Variants in FBXL2 observed in about 807,000 individuals in gnomAD.
FBXL2 encodes the protein F-box/LRR-repeat protein 2.
Under a neutral mutation model 69.2 loss-of-function variants are expected in FBXL2, and 38 were observed. That is an observed-to-expected ratio of 0.55 (90% CI 0.42 to 0.72). The LOEUF (loss-of-function observed/expected upper bound fraction) is 0.72, where lower values mean the gene tolerates loss of function less well. Ranked by LOEUF, FBXL2 falls within the 30% of genes least tolerant of loss-of-function variation. The pLI is 0.00. For synonymous variants in FBXL2, 192 were observed against 201.3 expected (o/e 0.95, Z 0.39); for missense variants, 354 against 520.3 (o/e 0.68, Z 3.11).
At chr3:33,395,758 A>AAAG (rs1396169602) in intron 12 of FBXL2, among the ~76,000 whole-genome samples, 9 of 116,592 alleles carry the variant, frequency 7.7e-5, no homozygotes, top group African/African-American at 2.6e-4. Flanking sequence ...TTGAAAAAAA[A>AAAG]AAAAAAAAAA....
chr3:33,350,241 C>A (rs1215421817), intron 2 of FBXL2, among the ~76,000 whole-genome samples: 1 of 151,848 alleles, frequency 6.6e-6, no homozygotes. Flanking sequence ...TTTTAACATT[C>A]AAAAGTCAGT....
chr3:33,412,391 G>T, the FBXL2 span, among the ~76,000 whole-genome samples: 2 of 151,728 alleles, frequency 1.3e-5, no homozygotes. Context: ...ATGTATGTGT[G>T]TGCGTATGTA....
downstream of FBXL2, among the ~76,000 whole-genome samples, chr3:33,407,774 C>A (rs2154057005): frequency 6.6e-6 from 1 of 152,290 alleles, no homozygotes; most frequent in East Asian, 1.9e-4. Flanking sequence ...TCCTCTGGTA[C>A]TTTAATAGTG....
chr3:33,392,373 G>C (rs2043803690), downstream of FBXL2: 1 of 521,940 alleles, frequency 1.9e-6, no homozygotes, highest in Admixed American at 4.0e-5. Context: ...CAGTCATCTA[G>C]AAAGACTGAC....
intron 12 of FBXL2, chr3:33,402,781 C>T (rs765082720): frequency 2.5e-5 from 37 of 1,503,752 alleles, no homozygotes; most frequent in Admixed American, 1.7e-4. Flanking sequence ...TGCAGGCACA[C>T]GATCACACAA....
At chr3:33,384,262 C>A in intron 14 of FBXL2, 61 bp downstream of exon 14, 1 of 1,535,432 alleles carries the variant, frequency 6.5e-7, no homozygotes, top group Non-Finnish European at 8.9e-7. Context: ...AGGAAAACAT[C>A]AAGAATCAGA....
intron 2 of FBXL2, among the ~76,000 whole-genome samples, chr3:33,333,046 A>G (rs1357663395): frequency 6.6e-6 from 1 of 152,222 alleles, no homozygotes; most frequent in African/African-American, 2.4e-5. Context: ...AGAGTAGATA[A>G]ATCCATGGAG....
At chr3:33,342,140 G>T (rs540011974) in intron 2 of FBXL2, among the ~76,000 whole-genome samples, 1 of 150,940 alleles carries the variant, frequency 6.6e-6, no homozygotes, top group Non-Finnish European at 1.5e-5. Flanking sequence ...GAGTAGCTGG[G>T]ACTACAGGTG....
intron 2 of FBXL2, among the ~76,000 whole-genome samples, chr3:33,347,613 G>A (rs535817648): frequency 6.1e-4 from 93 of 152,288 alleles, no homozygotes; most frequent in African/African-American, 1.2e-3. Flanking sequence ...CTTCATAACA[G>A]TTGTATTAAT....
chr3:33,365,482 G>A (rs948007017), intron 5 of FBXL2, among the ~76,000 whole-genome samples: 2 of 152,096 alleles, frequency 1.3e-5, no homozygotes, highest in African/African-American at 4.8e-5. Context: ...ATTTCACCAT[G>A]TTGGCCACGC....
rs1024574689 is a variant in FBXL2 at position 33,400,376 on chromosome 3, A to C, written n.1215-2858A>C. On this transcript the variant is annotated intron_variant and non_coding_transcript_variant, in intron 12 of 12. Coordinates refer to the FBXL2 transcript ENST00000463736. ...GAAAGCCTCGGAGTCTGAAGTAAAAAACACCCAAAAAGAGCATGAGTCTGA... is the reference window on the plus strand; with the variant it reads ...GAAAGCCTCGGAGTCTGAAGTAAAACACACCCAAAAAGAGCATGAGTCTGA... The C allele has an allele frequency of 2.5e-5, 23 of 935,438 alleles. No individual in the cohort carries two copies. The African/African-American group carries it at 3.4e-4, about 14-fold the overall frequency. 57.9% of individuals were successfully genotyped at this position (935,438 alleles called of 1,614,324 possible).
intron 1 of FBXL2, among the ~76,000 whole-genome samples, chr3:33,283,325 G>C (rs1356667490): frequency 1.3e-5 from 2 of 152,098 alleles, no homozygotes; most frequent in East Asian, 3.9e-4. Flanking sequence ...TTTGTCTTTG[G>C]TTCTGTTTAT....
At chr3:33,313,243 CTAAAGAATTCTTTTTTT>C (rs760006604) in intron 2 of FBXL2, among the ~76,000 whole-genome samples, 22 of 151,588 alleles carry the variant, frequency 1.5e-4, no homozygotes, top group Non-Finnish European at 2.4e-4. Flanking sequence ...AATAGATAAT[CTAAAGAATTCTTTTTTT>C]TTTTAATTTT....
At chr3:33,283,582 A>G (rs1345824494) in intron 1 of FBXL2, among the ~76,000 whole-genome samples, 1 of 151,908 alleles carries the variant, frequency 6.6e-6, no homozygotes, top group Non-Finnish European at 1.5e-5. Context: ...TAGGGAGGAT[A>G]CCCTCTTTTT....
intron 2 of FBXL2, among the ~76,000 whole-genome samples, chr3:33,301,229 T>A (rs1239595017): frequency 6.6e-6 from 1 of 152,154 alleles, no homozygotes; most frequent in Non-Finnish European, 1.5e-5. Context: ...GACAGTGTAG[T>A]CTGTTGTTCC....
At chr3:33,374,284 CCT>C (rs1051623525) in intron 9 of FBXL2, among the ~76,000 whole-genome samples, 21 of 152,036 alleles carry the variant, frequency 1.4e-4, no homozygotes, top group African/African-American at 4.6e-4. Context: ...GATGATGACT[CCT>C]CTCACGTTGT....
chr3:33,316,888 C>T lies in FBXL2; in HGVS notation c.65+19163C>T, dbSNP rs200003740. Among the ~76,000 whole-genome samples, 3 of 103,636 alleles carry T rather than the reference C, an allele frequency of 2.9e-5. No homozygotes were observed. The East Asian group carries it at 2.1e-3, about 72-fold the overall frequency. 68.0% of individuals were successfully genotyped at this position (103,636 alleles called of 152,430 possible). A position where few individuals can be genotyped will look rare whatever the true frequency, so the allele number is the denominator to read the frequency against. On this transcript the variant is annotated intron_variant, in intron 2 of 14. Transcript: ENST00000484457. ...CACCACAGTCAGTGTATAGAATTTT[C>T]TCTGTTTTTCTTTTTTCTTCTTCTT... is the stretch of plus-strand genomic sequence containing the variant.
intron 5 of FBXL2, chr3:33,372,290 C>G (rs2042348742): frequency 6.6e-6 from 1 of 152,368 alleles, no homozygotes. Context: ...GTGACGTTCT[C>G]TCTACTCCAA....
chr3:33,392,988 A>G (rs1210399495), downstream of FBXL2: 1 of 321,234 alleles, frequency 3.1e-6, no homozygotes, highest in Non-Finnish European at 5.6e-6. Context: ...GTCATCAAAT[A>G]ATAGACAAAA....
Sources: gnomAD v4.1 joint callset for allele counts (sites outside exome capture counted in the v4.1 genomes callset) on GRCh38, gnomAD v4.1.1 for gene constraint, MANE v1.5 for transcripts, NCBI Gene and HGNC (gene_info 2026-07-23, HGNC 2026-07-21) for gene names.